The following STK32A variants were observed in gnomAD, a reference collection of about 807,000 sequenced individuals.
STK32A encodes serine/threonine kinase 32A.
In STK32A, 41 loss-of-function variants were observed where a neutral mutation model predicts 53.2. That is an observed-to-expected ratio of 0.77 (90% CI 0.60 to 1.00). The LOEUF (loss-of-function observed/expected upper bound fraction) is 1.00. Among genes scored for constraint, STK32A ranks in the 50% least tolerant of loss-of-function variants. STK32A has a pLI of 0.00. For missense variants in STK32A, 458 were observed against 485.8 expected (o/e 0.94, Z 0.54); for synonymous variants, 166 against 162.8 (o/e 1.02, Z -0.15).
At chr5:147,397,087 A>G in the STK32A span, among the ~76,000 whole-genome samples, 1 of 148,156 alleles carries the variant, frequency 6.7e-6, no homozygotes, top group Non-Finnish European at 1.5e-5. Context: ...AATATAATAC[A>G]TATATTGTAA....
At chr5:147,249,107 A>C (rs1378334038) in intron 2 of STK32A, among the ~76,000 whole-genome samples, 1 of 152,186 alleles carries the variant, frequency 6.6e-6, no homozygotes, top group African/African-American at 2.4e-5. Context: ...AGGACAATGT[A>C]ATAAGCATCC....
intron 4 of STK32A, among the ~76,000 whole-genome samples, chr5:147,317,247 A>C (rs914803743): frequency 1.3e-5 from 2 of 151,716 alleles, no homozygotes; most frequent in African/African-American, 2.4e-5. Flanking sequence ...GATTGACGTG[A>C]CATGAAGGCA....
chr5:147,312,160 G>A (rs1460321692), intron 4 of STK32A, among the ~76,000 whole-genome samples: 1 of 152,198 alleles, frequency 6.6e-6, no homozygotes, highest in Non-Finnish European at 1.5e-5. Context: ...GTGTGCAATG[G>A]CACAATCTTG....
the STK32A span, among the ~76,000 whole-genome samples, chr5:147,399,447 T>C: frequency 6.6e-6 from 1 of 151,734 alleles, no homozygotes; most frequent in Non-Finnish European, 1.5e-5. Context: ...GGTAAAATGG[T>C]CAAACACATG....
intron 5 of STK32A, 37 bp from the exon 6 acceptor site, chr5:147,342,969 T>C (rs1392287810): frequency 1.9e-6 from 3 of 1,611,140 alleles, no homozygotes; most frequent in African/African-American, 1.3e-5. Context: ...GTTCGTTTTA[T>C]TGTGAGCAAC....
chr5:147,379,892 C>T (rs1394695844), intron 11 of STK32A, among the ~76,000 whole-genome samples: 3 of 152,102 alleles, frequency 2.0e-5, no homozygotes, highest in Non-Finnish European at 4.4e-5. Flanking sequence ...CCATTAGTCC[C>T]TCCATTCTTT....
chr5:147,279,343 T>A lies in STK32A; in HGVS notation c.205T>A (p.Phe69Ile). The A allele has an allele frequency of 1.2e-6, 2 of 1,612,572 alleles. No individual in the cohort carries two copies. Among genetic ancestry groups the A allele is most frequent in the Non-Finnish European group, 1.7e-6 (2 of 1,179,256 alleles). The change falls in exon 4 of 13, where the codon TTC (phenylalanine) becomes ATC (isoleucine). Residue 69 changes from phenylalanine (F) to isoleucine (I), a missense_variant. By Grantham distance (21) the Phe-to-Ile change is conservative (BLOSUM62 0). Coordinates refer to ENST00000397936, the MANE Select transcript of STK32A (RefSeq NM_001112724.2). ...CVERNEVRNV[F>I]KELQIMQGLE... ...GGAGCGCAATGAAGTGAGAAATGTC[T>A]TCAAGGAACTCCAGATCATGCAGGG... is the stretch of plus-strand genomic sequence containing the variant.
chr5:147,249,344 A>T (rs960121995), intron 2 of STK32A, among the ~76,000 whole-genome samples: 2 of 152,086 alleles, frequency 1.3e-5, no homozygotes, highest in Non-Finnish European at 2.9e-5. Flanking sequence ...TCCAGGTAAA[A>T]TGCTTAGCTG....
intron 4 of STK32A, among the ~76,000 whole-genome samples, chr5:147,283,494 T>C (rs1246679063): frequency 6.9e-6 from 1 of 144,972 alleles, no homozygotes; most frequent in Non-Finnish European, 1.5e-5. Flanking sequence ...GAAAGATAAA[T>C]AAAACAAAAA....
chr5:147,250,175 G>A (rs1425479161), intron 2 of STK32A, among the ~76,000 whole-genome samples: 1 of 152,106 alleles, frequency 6.6e-6, no homozygotes, highest in Non-Finnish European at 1.5e-5. Context: ...TGGGAACGGA[G>A]GGGTTTGGGA....
chr5:147,242,994 A>G (rs929347973), intron 2 of STK32A, among the ~76,000 whole-genome samples: 2 of 152,210 alleles, frequency 1.3e-5, no homozygotes, highest in Non-Finnish European at 2.9e-5. Context: ...ATTTTTATAT[A>G]CATAATCATA....
chr5:147,299,145 T>C (rs895532989), intron 4 of STK32A, among the ~76,000 whole-genome samples: 10 of 152,218 alleles, frequency 6.6e-5, no homozygotes, highest in Admixed American at 6.5e-4. Flanking sequence ...AGAGCAGCCC[T>C]GAGGACTGCT....
rs1223501397 is a variant in STK32A, at chr5:147,384,757, A to G, written c.*774A>G. On this transcript the variant is annotated 3_prime_UTR_variant, in exon 13 of 13. Transcript: ENST00000397936. Reference sequence around the variant, plus strand: ...TAGCCCACCACTCCTTCCAAGAAGCATGTTCCTTGAGGGCTAATTGTCCTC... The same window carrying G: ...TAGCCCACCACTCCTTCCAAGAAGCGTGTTCCTTGAGGGCTAATTGTCCTC... 3 of 265,042 alleles carry G rather than the reference A, an allele frequency of 1.1e-5. No homozygotes were observed. The highest frequency in any genetic ancestry group is 6.6e-5 in the African/African-American group (3 of 45,234). The allele number at this position is 265,042 out of a possible 1,614,324, so 16.4% of individuals were successfully genotyped here.
chr5:147,284,219 C>A (rs1212565576), intron 4 of STK32A, among the ~76,000 whole-genome samples: 2 of 152,104 alleles, frequency 1.3e-5, no homozygotes, highest in African/African-American at 4.8e-5. Context: ...CAAAATCCAG[C>A]ATCCTTTTAT....
At chr5:147,383,216 T>C (rs1757520947) in intron 11 of STK32A, 2 of 564,920 alleles carry the variant, frequency 3.5e-6, no homozygotes, top group African/African-American at 2.0e-5. Flanking sequence ...ATTAGACAGA[T>C]TCTGCCAGTG....
intron 6 of STK32A, among the ~76,000 whole-genome samples, chr5:147,346,298 C>T (rs1755682936): frequency 6.6e-6 from 1 of 152,150 alleles, no homozygotes; most frequent in Admixed American, 6.5e-5. Context: ...GATGGGCTGT[C>T]GCTTGGGCCT....
chr5:147,294,861 T>C (rs1328401514), intron 4 of STK32A, among the ~76,000 whole-genome samples: 2 of 152,098 alleles, frequency 1.3e-5, no homozygotes, highest in Non-Finnish European at 2.9e-5. Context: ...TTTTTTGTAT[T>C]TTTAGGAGAG....
Position 147,350,688 on chromosome 5 carries a change from A to C in STK32A, c.473-377A>C, listed in dbSNP as rs142623619. ...CAGCCTATTTGCCTCTTTAAAAAAA[A>C]TAATCCCATAAGGGATGTTTGGAAA... On this transcript the variant is annotated intron_variant, in intron 6 of 12. Coordinates refer to ENST00000397936, the MANE Select transcript of STK32A (RefSeq NM_001112724.2). Among the ~76,000 whole-genome samples the C allele has an allele frequency of 3.2e-3, 481 of 152,290 alleles. 3 individuals are homozygous for C. The highest frequency in any genetic ancestry group is 2.5e-3 in the Non-Finnish European group (168 of 68,014).
chr5:147,362,082 A>G (rs887293162), intron 8 of STK32A, among the ~76,000 whole-genome samples: 2 of 152,240 alleles, frequency 1.3e-5, no homozygotes, highest in Non-Finnish European at 2.9e-5. Flanking sequence ...AATTAGAGTC[A>G]TTTCCTTTTA....
Sources: allele counts gnomAD v4.1 joint callset (sites outside exome capture counted in the v4.1 genomes callset), GRCh38; gene constraint gnomAD v4.1.1; transcripts MANE v1.5; gene names NCBI Gene and HGNC (gene_info 2026-07-23, HGNC 2026-07-21).